The following C15orf40 variants were observed in gnomAD, a reference collection of about 807,000 sequenced individuals.
C15orf40 encodes UPF0235 protein C15orf40.
C15orf40 carries 9 observed loss-of-function variants against 13.9 expected under a neutral mutation model. That is an observed-to-expected ratio of 0.65 (90% CI 0.39 to 1.13). The LOEUF is 1.13. Among genes scored for constraint, C15orf40 ranks in the 50% most tolerant of loss-of-function variants. C15orf40 has a pLI of 0.01. For synonymous variants in C15orf40, 95 were observed against 69.2 expected, an observed-to-expected ratio of 1.37 and a Z score of -1.85; for missense variants, 225 against 188.5, an observed-to-expected ratio of 1.19 and a Z score of -1.13.
intron 3 of C15orf40, chr15:83,006,374 A>G: frequency 1.0e-6 from 1 of 981,596 alleles, no homozygotes; most frequent in Non-Finnish European, 1.2e-6. Flanking sequence ...ACAAATTGCT[A>G]TTCTCTATGT....
chr15:83,001,274 G>A lies in C15orf40; in HGVS notation c.*4323C>T, dbSNP rs1273460349. 5.1e-6 allele frequency: 5 copies of A among 985,430 alleles called. No homozygotes were observed. The highest frequency in any genetic ancestry group is 9.4e-5 in the South Asian group (2 of 21,280). 61.0% of individuals were successfully genotyped at this position (985,430 alleles called of 1,614,324 possible). On this transcript the variant is annotated 3_prime_UTR_variant, in exon 4 of 4. Coordinates refer to ENST00000304177, the MANE Select transcript of C15orf40 (RefSeq NM_144597.3). Reference sequence around the variant, plus strand: ...AGGCTGTTCTTTCCCAGGATCTGTCGAAGTACAGCATAGGCAAACCACCTA... The same window carrying A: ...AGGCTGTTCTTTCCCAGGATCTGTCAAAGTACAGCATAGGCAAACCACCTA...
downstream of C15orf40, chr15:82,988,990 A>T (rs552300979): frequency 2.6e-6 from 4 of 1,558,040 alleles, no homozygotes; most frequent in Non-Finnish European, 3.5e-6. Flanking sequence ...TTTAATGGAA[A>T]TGTCTTTAAA....
At position 83,001,936 on chromosome 15, in the gene C15orf40, C is replaced by G. The variant is rs1190169418; in HGVS notation, c.*3661G>C. On this transcript the variant is annotated 3_prime_UTR_variant, in exon 4 of 4. Coordinates refer to ENST00000304177, the MANE Select transcript of C15orf40 (RefSeq NM_144597.3). ...TTTGTTGTTGTTATTGAGACAGAGCCTTGCTCTGTCACCCAGGCTGGAGTG... is the reference window on the plus strand; with the variant it reads ...TTTGTTGTTGTTATTGAGACAGAGCGTTGCTCTGTCACCCAGGCTGGAGTG... 1.3e-5 allele frequency: 2 copies of G among 152,296 alleles called. No homozygotes were observed. Among genetic ancestry groups the G allele is most frequent in the Admixed American group, 6.5e-5 (1 of 15,274 alleles). The allele number at this position is 152,296 out of a possible 1,614,324, so 9.4% of individuals were successfully genotyped here.
chr15:83,001,046 C>G lies in C15orf40; in HGVS notation c.*4551G>C, dbSNP rs1377640935. 2.2e-6 allele frequency: 2 copies of G among 904,462 alleles called. No homozygotes were observed. The highest frequency in any genetic ancestry group is 2.6e-6 in the Non-Finnish European group (2 of 756,058). 56.0% of individuals were successfully genotyped at this position (904,462 alleles called of 1,614,324 possible). The stretch of plus-strand genomic sequence containing the variant: ...CAGGCTGGTCTTAAACTCCTGACTT[C>G]AAGTGATCCACCCGCCTCAGCCTCC... On this transcript the variant is annotated 3_prime_UTR_variant, in exon 4 of 4. Coordinates refer to ENST00000304177, the MANE Select transcript of C15orf40 (RefSeq NM_144597.3).
In C15orf40 at chr15:83,011,601, G is replaced by A. The variant is rs759158442; in HGVS notation, c.7C>T (p.Arg3Trp). 3 of 1,582,524 alleles carry A rather than the reference G, an allele frequency of 1.9e-6. No homozygotes were observed. Among genetic ancestry groups the A allele is most frequent in the Middle Eastern group, 1.8e-4 (1 of 5,554 alleles). ML[R>W]LRSGLRHLRA... is the part of the protein sequence containing the mutation. ...AGGTGCCTCAGCCCGCTGCGGAGCC[G>A]CAGCATCCCCGCCTGGGAAGGCGCC... Residue 3 changes from arginine to tryptophan, a missense_variant, in exon 1 of 4, where the codon CGG (arginine) becomes TGG (tryptophan). Physicochemically the swap from Arg to Trp is moderately radical, Grantham distance 101. Transcript: ENST00000304177.
rs1023408899 is a variant in C15orf40 at position 82,996,368 on chromosome 15, C to A, written c.*9229G>T. ...TGTTTACAAAATAATAAAGCTGGCG[C>A]GGTGGCTCACGCCTGTAATCCCAGT... On this transcript the variant is annotated 3_prime_UTR_variant, in exon 4 of 4. Transcript: ENST00000304177. The A allele has an allele frequency of 6.6e-6, 1 of 152,236 alleles. No individual in the cohort carries two copies. Among genetic ancestry groups the A allele is most frequent in the African/African-American group, 2.4e-5 (1 of 41,440 alleles). 9.4% of individuals were successfully genotyped at this position (152,236 alleles called of 1,614,324 possible).
chr15:82,992,467 G>A (rs373292681), downstream of C15orf40, among the ~76,000 whole-genome samples: 1 of 151,916 alleles, frequency 6.6e-6, no homozygotes, highest in South Asian at 2.1e-4. Flanking sequence ...AGTGACCTGA[G>A]ACCATGCCAT....
chr15:82,991,034 ATATT>A (rs1437942214), downstream of C15orf40: 1 of 162,824 alleles, frequency 6.1e-6, no homozygotes, highest in Non-Finnish European at 1.3e-5. Context: ...AAATTTTAAA[ATATT>A]TAAGCATCTT....
rs1034873474 is a variant in C15orf40, at chr15:83,002,886, C to T, written c.*2711G>A. The T allele has an allele frequency of 6.6e-6, 1 of 152,250 alleles. No homozygotes were observed. 9.4% of individuals were successfully genotyped at this position (152,250 alleles called of 1,614,324 possible). A position where few individuals can be genotyped will look rare whatever the true frequency, so the allele number is the denominator to read the frequency against. On this transcript the variant is annotated 3_prime_UTR_variant, in exon 4 of 4. Coordinates refer to ENST00000304177, the MANE Select transcript of C15orf40 (RefSeq NM_144597.3). ...TTGTGCGATCTTGGCTCACTGCAAC[C>T]TCTGCCTCCAGGGTCCCGGTTCACA...
chr15:82,994,308 G>T (rs1429710132), downstream of C15orf40, among the ~76,000 whole-genome samples: 3 of 152,152 alleles, frequency 2.0e-5, no homozygotes, highest in East Asian at 1.9e-4. Flanking sequence ...TCTCATAAAA[G>T]AACTCTACTT....
At position 82,999,919 on chromosome 15, in the gene C15orf40, G is replaced by A. The variant is rs2031343955; in HGVS notation, c.*5678C>T. On this transcript the variant is annotated 3_prime_UTR_variant, in exon 4 of 4. Coordinates refer to ENST00000304177, the MANE Select transcript of C15orf40 (RefSeq NM_144597.3). ...TGAGGATTGTCTGAGGAATGCCTAT[G>A]TGGGTAGAAATAGGTGGTCTTCCTG... The A allele has an allele frequency of 6.6e-6, 1 of 152,204 alleles. No homozygotes were observed. The highest frequency in any genetic ancestry group is 2.1e-4 in the South Asian group (1 of 4,834). The allele number at this position is 152,204 out of a possible 1,614,324, so 9.4% of individuals were successfully genotyped here.
intron 2 of C15orf40, among the ~76,000 whole-genome samples, chr15:83,009,298 CCATT>C (rs374262422): frequency 6.6e-6 from 1 of 152,110 alleles, no homozygotes; most frequent in Non-Finnish European, 1.5e-5. Flanking sequence ...GATATTAGTA[CCATT>C]ATTATCTCCA....
rs1243250010 is a variant in C15orf40, at chr15:83,004,866, T to C, written c.*731A>G. The C allele has an allele frequency of 1.3e-5, 17 of 1,302,984 alleles. No individual in the cohort carries two copies. The highest frequency in any genetic ancestry group is 2.1e-4 in the Middle Eastern group (1 of 4,712). The allele number at this position is 1,302,984 out of a possible 1,614,324, so 80.7% of individuals were successfully genotyped here. On this transcript the variant is annotated 3_prime_UTR_variant, in exon 4 of 4. Coordinates refer to ENST00000304177, the MANE Select transcript of C15orf40 (RefSeq NM_144597.3). The stretch of plus-strand genomic sequence containing the variant: ...GAATTCCAGAACCGTTGTGGAGATA[T>C]GATTTTTAATTTACAATCTAGAAAA...
rs1274983096 is a variant in C15orf40, at chr15:82,998,503, C to A, written c.*7094G>T. On this transcript the variant is annotated 3_prime_UTR_variant, in exon 4 of 4. Transcript: ENST00000304177. Reference sequence around the variant, plus strand: ...CTCACCTCCCAGACGGGGTCTCGGCCGGGCAGAGGCGCTCCTCACATCCCA... The same window carrying A: ...CTCACCTCCCAGACGGGGTCTCGGCAGGGCAGAGGCGCTCCTCACATCCCA... 2 of 80,628 alleles carry A rather than the reference C, an allele frequency of 2.5e-5. No homozygotes were observed. The highest frequency in any genetic ancestry group is 1.2e-4 in the African/African-American group (2 of 17,196). 5.0% of individuals were successfully genotyped at this position (80,628 alleles called of 1,614,324 possible). A position where few individuals can be genotyped will look rare whatever the true frequency, so the allele number is the denominator to read the frequency against.
chr15:83,010,396 C>T, intron 1 of C15orf40, 33 bp from the exon 2 acceptor site: 3 of 1,612,736 alleles, frequency 1.9e-6, no homozygotes, highest in Non-Finnish European at 2.5e-6. Context: ...TTACAGGTTA[C>T]AAAATATTTT....
In C15orf40 at chr15:83,011,480, C is replaced by T. The variant is rs1375517170; in HGVS notation, c.111+17G>A. On this transcript the variant is annotated intron_variant, in intron 1 of 3. Transcript: ENST00000304177. ...CCTGAGGCCCACCCCTCTGCCGCCA[C>T]GGGACCTGCTACTGGCCTTGGTCGT... 2 of 1,592,256 alleles carry T rather than the reference C, an allele frequency of 1.3e-6. No homozygotes were observed. The highest frequency in any genetic ancestry group is 1.7e-6 in the Non-Finnish European group (2 of 1,170,620).
downstream of C15orf40, chr15:82,990,438 C>G (rs1044092730): frequency 2.0e-6 from 1 of 500,196 alleles, no homozygotes; most frequent in Non-Finnish European, 3.4e-6. Context: ...TAGATGTGCT[C>G]GTTTCTAAAA....
In C15orf40 at chr15:83,010,233, A is replaced by G. The variant is rs2031919537; in HGVS notation, c.238+4T>C. On this transcript the variant is annotated splice_donor_region_variant and intron_variant, in intron 2 of 3. Transcript: ENST00000304177. ...TTGAATCCCACCCCAGTGTCCAGGT[A>G]TACCTGTTACAGCATTTTGTTTGGA... 6.2e-7 allele frequency: 1 copy of G among 1,614,138 alleles called. No individual in the cohort carries two copies. The highest frequency in any genetic ancestry group is 8.5e-7 in the Non-Finnish European group (1 of 1,179,996).
rs540334701 is a variant in C15orf40 at position 83,010,576 on chromosome 15, T to C, written c.112-213A>G. 70 of 504,406 alleles carry C rather than the reference T, an allele frequency of 1.4e-4. 2 individuals are homozygous for C. In the Middle Eastern group the frequency reaches 1.5e-3, roughly 10 times the overall value. 31.2% of individuals were successfully genotyped at this position (504,406 alleles called of 1,614,324 possible). On this transcript the variant is annotated intron_variant, in intron 1 of 3. Coordinates refer to ENST00000304177, the MANE Select transcript of C15orf40 (RefSeq NM_144597.3). ...GTTCCCATCAACCCAACAGTGTTTT[T>C]TCCCCCCTTGCAAGAAAACCTAACT...
Sources: gnomAD v4.1 joint callset for allele counts (sites outside exome capture counted in the v4.1 genomes callset) on GRCh38, gnomAD v4.1.1 for gene constraint, MANE v1.5 for transcripts, NCBI Gene and HGNC (gene_info 2026-07-23, HGNC 2026-07-21) for gene names.